DLGAP2: variants seen among roughly 807,000 people sequenced by gnomAD.
DLGAP2 encodes disks large-associated protein 2.
Under a neutral mutation model 100.3 loss-of-function variants are expected in DLGAP2, and 26 were observed. The ratio of observed to expected loss-of-function variants is 0.26; its 90% confidence interval spans 0.19 to 0.36. The LOEUF (loss-of-function observed/expected upper bound fraction) is 0.36, where lower values mean the gene tolerates loss of function less well. DLGAP2 is among the 10% of genes least tolerant of loss of function. The pLI is 1.00. For synonymous variants in DLGAP2, 886 were observed against 630.1 expected, an observed-to-expected ratio of 1.41 and a Z score of -6.08; for missense variants, 1,858 against 1,453.2, an observed-to-expected ratio of 1.28 and a Z score of -4.53.
chr8:1,672,935 C>T (rs1445821986), intron 10 of DLGAP2, among the ~76,000 whole-genome samples: 1 of 152,146 alleles, frequency 6.6e-6, no homozygotes, highest in Non-Finnish European at 1.5e-5. Context: ...CCCAGTATTA[C>T]TAGTGAGCGG....
chr8:1,559,581 G>A (rs1234767478), intron 5 of DLGAP2, among the ~76,000 whole-genome samples: 2 of 152,100 alleles, frequency 1.3e-5, no homozygotes, highest in African/African-American at 4.8e-5. Context: ...CATACAAGCT[G>A]GTCTCATTTG....
chr8:1,414,596 G>T (rs549078750), intron 3 of DLGAP2, among the ~76,000 whole-genome samples: 1 of 152,222 alleles, frequency 6.6e-6, no homozygotes, highest in African/African-American at 2.4e-5. Flanking sequence ...ACACGGCTGG[G>T]AGGGACTGAG....
At chr8:1,457,230 A>G (rs1326753758) in intron 3 of DLGAP2, among the ~76,000 whole-genome samples, 1 of 152,138 alleles carries the variant, frequency 6.6e-6, no homozygotes, top group Non-Finnish European at 1.5e-5. Context: ...ACATTTTTAC[A>G]AGATCTAACT....
Position 808,951 on chromosome 8 carries a change from G to C in DLGAP2, c.18+71126G>C, listed in dbSNP as rs539758404. The stretch of plus-strand genomic sequence containing the variant: ...AGATGGAGTTTCGCTCTGTCCCCCA[G>C]GCTGAAGTGCAGTAGTATGATCTTG... On this transcript the variant is annotated intron_variant, in intron 1 of 14. Coordinates refer to ENST00000637795, the MANE Select transcript of DLGAP2 (RefSeq NM_001346810.2). Among the ~76,000 whole-genome samples the C allele has an allele frequency of 2.7e-5, 4 of 147,112 alleles. No homozygotes were observed. In the East Asian group the frequency reaches 7.9e-4, roughly 29 times the overall value.
intron 2 of DLGAP2, among the ~76,000 whole-genome samples, chr8:988,462 G>A (rs1800550583): frequency 6.6e-6 from 1 of 152,146 alleles, no homozygotes; most frequent in Admixed American, 6.5e-5. Flanking sequence ...TCACATGAAG[G>A]ACAGGGATGT....
intron 3 of DLGAP2, among the ~76,000 whole-genome samples, chr8:1,287,189 A>G: frequency 4.4e-5 from 4 of 91,858 alleles, no homozygotes; most frequent in Admixed American, 1.4e-4. Context: ...TTAGGAGGGG[A>G]ACTAGTTTTG....
chr8:1,353,305 C>A (rs1003590467), intron 3 of DLGAP2, among the ~76,000 whole-genome samples: 3 of 152,168 alleles, frequency 2.0e-5, no homozygotes, highest in Non-Finnish European at 4.4e-5. Context: ...CACAGCAGTG[C>A]GATAAGATTG....
intron 1 of DLGAP2, among the ~76,000 whole-genome samples, chr8:821,842 G>A (rs185018258): frequency 4.6e-5 from 7 of 152,222 alleles, no homozygotes; most frequent in African/African-American, 1.2e-4. Flanking sequence ...AATGGAAATA[G>A]TAGTTTCCAT....
chr8:1,708,316 TAC>T lies in DLGAP2; in HGVS notation c.*6913_*6914del, dbSNP rs1799759779. The T allele has an allele frequency of 6.6e-6, 1 of 152,208 alleles. No individual in the cohort carries two copies. Among genetic ancestry groups the T allele is most frequent in the South Asian group, 2.1e-4 (1 of 4,828 alleles). 9.4% of individuals were successfully genotyped at this position (152,208 alleles called of 1,614,324 possible). On this transcript the variant is annotated 3_prime_UTR_variant, in exon 15 of 15. Transcript: ENST00000637795. Reference sequence around the variant, plus strand: ...CAAAGAGTTTTATCCGAAAAAAAATTACACTCTTCCTCCATTATATATTTCAT... The same window carrying T: ...CAAAGAGTTTTATCCGAAAAAAAATTACTCTTCCTCCATTATATATTTCAT...
chr8:1,584,902 C>G (rs1345077128), intron 6 of DLGAP2, among the ~76,000 whole-genome samples: 2 of 152,100 alleles, frequency 1.3e-5, no homozygotes, highest in Non-Finnish European at 2.9e-5. Flanking sequence ...TCATTTCTTT[C>G]TTCTTGTGCA....
intron 1 of DLGAP2, among the ~76,000 whole-genome samples, chr8:875,341 C>T (rs1374460702): frequency 2.0e-5 from 3 of 152,172 alleles, no homozygotes; most frequent in Admixed American, 2.0e-4. Flanking sequence ...ACCCAAATCT[C>T]ATCTTGAATT....
intron 2 of DLGAP2, among the ~76,000 whole-genome samples, chr8:1,059,922 G>A (rs947880091): frequency 6.6e-6 from 1 of 152,192 alleles, no homozygotes; most frequent in African/African-American, 2.4e-5. Context: ...ATGGATCGGG[G>A]GTATTCACAG....
At chr8:758,736 ATT>A (rs566254828) in intron 1 of DLGAP2, among the ~76,000 whole-genome samples, 1 of 151,816 alleles carries the variant, frequency 6.6e-6, no homozygotes. Context: ...TAATTTTTGT[ATT>A]TTTTGTAGAA....
At chr8:1,685,970 T>C (rs1174974390) in intron 12 of DLGAP2, among the ~76,000 whole-genome samples, 16 of 152,164 alleles carry the variant, frequency 1.1e-4, no homozygotes. Context: ...GCTTGCACAC[T>C]GCTGGTTGGA....
At chr8:828,506 C>G (rs542432717) in intron 1 of DLGAP2, among the ~76,000 whole-genome samples, 1 of 152,240 alleles carries the variant, frequency 6.6e-6, no homozygotes, top group African/African-American at 2.4e-5. Context: ...ATTCCCTGAA[C>G]AATTGCTGTC....
chr8:1,046,468 A>T (rs1802518229), intron 2 of DLGAP2, among the ~76,000 whole-genome samples: 1 of 152,178 alleles, frequency 6.6e-6, no homozygotes, highest in South Asian at 2.1e-4. Flanking sequence ...GGACTGGCTG[A>T]TTCAAACCTT....
At chr8:822,628 T>C (rs2132688165) in intron 1 of DLGAP2, among the ~76,000 whole-genome samples, 1 of 152,290 alleles carries the variant, frequency 6.6e-6, no homozygotes, top group Non-Finnish European at 1.5e-5. Flanking sequence ...CTGCAAACTG[T>C]CCCCAAATAC....
chr8:940,460 G>A (rs1451076148), intron 2 of DLGAP2, among the ~76,000 whole-genome samples: 1 of 152,056 alleles, frequency 6.6e-6, no homozygotes, highest in Non-Finnish European at 1.5e-5. Context: ...GCTTAGCCGG[G>A]ATTCTTCATC....
At chr8:1,690,331 A>G (rs899582152) in intron 12 of DLGAP2, among the ~76,000 whole-genome samples, 10 of 150,342 alleles carry the variant, frequency 6.7e-5, no homozygotes, top group Admixed American at 2.6e-4. Flanking sequence ...AGTCCAGCCT[A>G]GGTGACAGAG....
Sources: gnomAD v4.1 joint callset for allele counts (sites outside exome capture counted in the v4.1 genomes callset) on GRCh38, gnomAD v4.1.1 for gene constraint, MANE v1.5 for transcripts, NCBI Gene and HGNC (gene_info 2026-07-23, HGNC 2026-07-21) for gene names.